The following SH3D19 variants were observed in gnomAD, a reference collection of about 807,000 sequenced individuals.
The protein encoded by SH3D19 is SH3 domain containing 19, also known as SH3 domain-containing protein 19.
A neutral mutation model predicts 112.1 loss-of-function variants in SH3D19; 58 were observed. That is an observed-to-expected ratio of 0.52 (90% CI 0.42 to 0.64). SH3D19 has a LOEUF of 0.64. SH3D19 is among the 30% of genes least tolerant of loss of function. The pLI is 0.00. For synonymous variants in SH3D19, 391 were observed against 448.5 expected, an observed-to-expected ratio of 0.87 and a Z score of 1.62; for missense variants, 1,090 against 1,263.4, an observed-to-expected ratio of 0.86 and a Z score of 2.08.
Position 151,279,938 on chromosome 4 carries a change from A to G in SH3D19, c.112+45303T>C, listed in dbSNP as rs372922647. On this transcript the variant is annotated intron_variant, in intron 1 of 19. Transcript: ENST00000604030. ...TCGTCAGTGAGAGGTTGATACTGAC[A>G]GCAGCACACTGCATACAACCGTGAG... The G allele has an allele frequency of 4.3e-6, 7 of 1,613,414 alleles. No homozygotes were observed. The African/African-American group carries it at 8.0e-5, about 18-fold the overall frequency.
chr4:151,171,397 C>T (rs1489251770), intron 7 of SH3D19, among the ~76,000 whole-genome samples: 3 of 152,092 alleles, frequency 2.0e-5, no homozygotes, highest in African/African-American at 4.8e-5. Context: ...ACAAAAAACA[C>T]GGAGCATCTT....
intron 2 of SH3D19, among the ~76,000 whole-genome samples, chr4:151,209,282 T>TA (rs1491547097): frequency 9.4e-6 from 1 of 106,348 alleles, no homozygotes; most frequent in African/African-American, 4.8e-5. Flanking sequence ...CGAAAAAGTA[T>TA]TTTTTTTTTT....
intron 9 of SH3D19, among the ~76,000 whole-genome samples, chr4:151,152,832 A>G (rs1229841015): frequency 6.6e-6 from 1 of 150,828 alleles, no homozygotes; most frequent in Non-Finnish European, 1.5e-5. Flanking sequence ...TGCTACATAT[A>G]TATGTACATA....
At chr4:151,208,477 T>G (rs1765434805) in intron 2 of SH3D19, among the ~76,000 whole-genome samples, 1 of 152,132 alleles carries the variant, frequency 6.6e-6, no homozygotes, top group Admixed American at 6.5e-5. Context: ...TTCAAGAGAT[T>G]CTCCTGCCTC....
intron 3 of SH3D19, among the ~76,000 whole-genome samples, chr4:151,180,421 T>TC (rs1294114025): frequency 6.7e-6 from 1 of 149,960 alleles, no homozygotes; most frequent in Non-Finnish European, 1.5e-5. Context: ...CTTTTTTTTT[T>TC]TTTTTGAGAC....
intron 9 of SH3D19, among the ~76,000 whole-genome samples, chr4:151,156,567 T>G (rs764053583): frequency 6.6e-6 from 1 of 152,088 alleles, no homozygotes; most frequent in Non-Finnish European, 1.5e-5. Flanking sequence ...AGAACAGTCA[T>G]TGGGGAAAGC....
chr4:151,188,521 C>T (rs1023144710), intron 2 of SH3D19, among the ~76,000 whole-genome samples: 1 of 152,130 alleles, frequency 6.6e-6, no homozygotes, highest in African/African-American at 2.4e-5. Context: ...ATATAATGAG[C>T]ATTTCCTTTG....
At chr4:151,303,548 G>C (rs1489722098) in intron 1 of SH3D19, among the ~76,000 whole-genome samples, 1 of 152,074 alleles carries the variant, frequency 6.6e-6, no homozygotes, top group Non-Finnish European at 1.5e-5. Flanking sequence ...AAACAATACA[G>C]AAGTATAAAG....
intron 3 of SH3D19, among the ~76,000 whole-genome samples, chr4:151,182,443 T>G (rs1761105730): frequency 6.6e-6 from 1 of 152,260 alleles, no homozygotes; most frequent in Non-Finnish European, 1.5e-5. Flanking sequence ...AATTTTAACT[T>G]GATTCTGCCC....
chr4:151,317,985 T>A (rs1443974144), intron 1 of SH3D19, among the ~76,000 whole-genome samples: 3 of 133,456 alleles, frequency 2.2e-5, no homozygotes. Flanking sequence ...AGCGAGGCTG[T>A]TTCTTAAAAA....
chr4:151,183,803 A>G (rs1355983285), intron 3 of SH3D19, among the ~76,000 whole-genome samples: 1 of 152,226 alleles, frequency 6.6e-6, no homozygotes, highest in Non-Finnish European at 1.5e-5. Context: ...AGTTAGATGC[A>G]TTTGACATGA....
chr4:151,212,179 G>T (rs947397410), intron 2 of SH3D19, among the ~76,000 whole-genome samples: 1 of 152,188 alleles, frequency 6.6e-6, no homozygotes, highest in Non-Finnish European at 1.5e-5. Flanking sequence ...TTAGTAACAA[G>T]TTCTCATTCT....
intron 13 of SH3D19, among the ~76,000 whole-genome samples, chr4:151,138,709 C>G (rs1378491957): frequency 6.6e-6 from 1 of 151,676 alleles, no homozygotes; most frequent in East Asian, 1.9e-4. Context: ...CACACACACA[C>G]ACACACACAC....
intron 1 of SH3D19, among the ~76,000 whole-genome samples, chr4:151,265,190 A>G (rs1440678230): frequency 6.6e-6 from 1 of 152,226 alleles, no homozygotes; most frequent in Non-Finnish European, 1.5e-5. Flanking sequence ...AAGAATGATT[A>G]CAATTTATTC....
rs752855909 is a variant in SH3D19 at position 151,165,689 on chromosome 4, A to C, written c.1542T>G (p.Phe514Leu). Residue 514 changes from phenylalanine (F) to leucine (L), a missense_variant, in exon 8 of 20, where the codon TTT becomes TTG. By Grantham distance (22) the Phe-to-Leu change is conservative. Transcript: ENST00000604030. ...SVGSEMVLDP[F>L]QLPAKTEPIK... ...TTGGTTCTGTTTTTGCAGGGAGCTGAAAGGGATCTAATGAAAAACATAGTT... is the reference window on the plus strand; with the variant it reads ...TTGGTTCTGTTTTTGCAGGGAGCTGCAAGGGATCTAATGAAAAACATAGTT... The C allele has an allele frequency of 6.2e-7, 1 of 1,613,804 alleles. No individual in the cohort carries two copies. The highest frequency in any genetic ancestry group is 1.7e-5 in the Admixed American group (1 of 60,014).
chr4:151,124,892 A>C (rs986131049), intron 19 of SH3D19, among the ~76,000 whole-genome samples: 1 of 152,182 alleles, frequency 6.6e-6, no homozygotes, highest in Non-Finnish European at 1.5e-5. Context: ...TGTTTTCTGG[A>C]GGATACTGTG....
At chr4:151,293,906 C>T (rs1187495027) in intron 1 of SH3D19, among the ~76,000 whole-genome samples, 3 of 152,194 alleles carry the variant, frequency 2.0e-5, no homozygotes, top group Non-Finnish European at 4.4e-5. Flanking sequence ...ATCTACTATT[C>T]CCTCTCCCCT....
intron 1 of SH3D19, among the ~76,000 whole-genome samples, chr4:151,289,999 G>A (rs1252724443): frequency 6.6e-6 from 1 of 152,210 alleles, no homozygotes; most frequent in Non-Finnish European, 1.5e-5. Flanking sequence ...CTGTCACCCA[G>A]GTTGAAGTGC....
chr4:151,315,024 T>C (rs1729854523), intron 1 of SH3D19, among the ~76,000 whole-genome samples: 1 of 152,180 alleles, frequency 6.6e-6, no homozygotes, highest in South Asian at 2.1e-4. Flanking sequence ...AGTAGCTTCA[T>C]AGGTGGGTAC....
Sources: allele counts gnomAD v4.1 joint callset (sites outside exome capture counted in the v4.1 genomes callset), GRCh38; gene constraint gnomAD v4.1.1; transcripts MANE v1.5; gene names NCBI Gene and HGNC (gene_info 2026-07-23, HGNC 2026-07-21).